Variants in NPSR1 observed in about 807,000 individuals in gnomAD.
The protein encoded by NPSR1 is neuropeptide S receptor 1.
In NPSR1, 48 loss-of-function variants were observed where a neutral mutation model predicts 46.9. The observed-to-expected ratio is 1.02, with a 90% CI of 0.81 to 1.30. The LOEUF (loss-of-function observed/expected upper bound fraction) is 1.30, where lower values mean the gene tolerates loss of function less well. NPSR1 is among the 50% of genes most tolerant of loss of function. The probability of loss-of-function intolerance (pLI) is 0.00; values close to 1 mark genes in which losing one functional copy is unlikely to be tolerated. For synonymous variants in NPSR1, 176 were observed against 168.1 expected (o/e 1.05, Z -0.36); for missense variants, 450 against 449.5 (o/e 1.00, Z -0.01).
At position 34,684,575 on chromosome 7, in the gene NPSR1, G is replaced by T; in HGVS notation, c.171G>T (p.Trp57Cys). Residue 57 changes from tryptophan (W) to cysteine (C), a missense_variant, in exon 2 of 9, where the codon TGG becomes TGT. Trp to Cys is a radical substitution (Grantham distance 215). Coordinates refer to ENST00000360581, the MANE Select transcript of NPSR1 (RefSeq NM_207172.2). ...AGACTGAGCAATTGATAACTCTGTGGGTCCTCTTTGTTTTTACCATTGTTG... is the reference window on the plus strand; with the variant it reads ...AGACTGAGCAATTGATAACTCTGTGTGTCCTCTTTGTTTTTACCATTGTTG... ...SFKTEQLITLWVLFVFTIVGN... is the reference protein window; with the variant it reads ...SFKTEQLITLCVLFVFTIVGN... 6.2e-7 allele frequency: 1 copy of T among 1,613,468 alleles called. No homozygotes were observed. Among genetic ancestry groups the T allele is most frequent in the Non-Finnish European group, 8.5e-7 (1 of 1,179,742 alleles).
At chr7:34,758,853 T>C (rs1193219887) in intron 2 of NPSR1, among the ~76,000 whole-genome samples, 1 of 152,220 alleles carries the variant, frequency 6.6e-6, no homozygotes, top group Non-Finnish European at 1.5e-5. Context: ...GAATCATGTA[T>C]TGTATTCAGT....
In NPSR1 at chr7:34,740,999, A is replaced by G. The variant is rs142619575; in HGVS notation, c.281-37463A>G. 3.9e-5 allele frequency among the ~76,000 whole-genome samples: 6 copies of G among 152,300 alleles called. No homozygotes were observed. The East Asian group carries it at 9.7e-4, about 25-fold the overall frequency. On this transcript the variant is annotated intron_variant, in intron 2 of 8. Coordinates refer to ENST00000360581, the MANE Select transcript of NPSR1 (RefSeq NM_207172.2). ...TTATTTTTCTTTCAGCACCTTAAAT[A>G]TGTTATCCCATTGCCTTATGGCCTC...
At chr7:34,790,832 T>TTATA (rs1787743541) in intron 3 of NPSR1, among the ~76,000 whole-genome samples, 1 of 136,486 alleles carries the variant, frequency 7.3e-6, no homozygotes, top group Non-Finnish European at 1.6e-5. Flanking sequence ...AGGTTATATG[T>TTATA]TATGTTATAT....
chr7:34,678,036 C>T (rs540956117), intron 1 of NPSR1, among the ~76,000 whole-genome samples: 2 of 152,208 alleles, frequency 1.3e-5, no homozygotes, highest in South Asian at 2.1e-4. Context: ...ACCATGGAGA[C>T]GTGGATTTCT....
chr7:34,673,191 C>T (rs2128675931), intron 1 of NPSR1, among the ~76,000 whole-genome samples: 1 of 152,308 alleles, frequency 6.6e-6, no homozygotes, highest in South Asian at 2.1e-4. Context: ...TCTACAACAT[C>T]TTTATCATAG....
chr7:34,773,325 A>G (rs1157461656), intron 2 of NPSR1, among the ~76,000 whole-genome samples: 1 of 152,162 alleles, frequency 6.6e-6, no homozygotes, highest in Non-Finnish European at 1.5e-5. Flanking sequence ...TGTCTGGTGA[A>G]GTATGTAATA....
intron 2 of NPSR1, among the ~76,000 whole-genome samples, chr7:34,735,554 A>G (rs1784630381): frequency 6.6e-6 from 1 of 152,246 alleles, no homozygotes; most frequent in Non-Finnish European, 1.5e-5. Flanking sequence ...AGTAGAATAT[A>G]AGAGCTGAAA....
intron 2 of NPSR1, among the ~76,000 whole-genome samples, chr7:34,692,529 A>T (rs1793316742): frequency 6.6e-6 from 1 of 152,136 alleles, no homozygotes; most frequent in Non-Finnish European, 1.5e-5. Context: ...ACATACCAAA[A>T]CCTCTGGGAT....
intron 3 of NPSR1, among the ~76,000 whole-genome samples, chr7:34,793,263 A>G (rs1459339589): frequency 2.0e-5 from 3 of 152,120 alleles, no homozygotes; most frequent in Non-Finnish European, 4.4e-5. Context: ...CAGAGTAAAG[A>G]TACAGTTTAC....
chr7:34,754,904 T>G (rs1412863936), intron 2 of NPSR1, among the ~76,000 whole-genome samples: 1 of 152,234 alleles, frequency 6.6e-6, no homozygotes, highest in Admixed American at 6.5e-5. Context: ...CTTTTGTGAC[T>G]GGTTTATTTC....
Position 34,874,494 on chromosome 7 carries a change from T to C in NPSR1, c.1026-3582T>C, listed in dbSNP as rs959669490. Among the ~76,000 whole-genome samples, 347 of 152,196 alleles carry C rather than the reference T, an allele frequency of 2.3e-3. 2 individuals are homozygous for C. The highest frequency in any genetic ancestry group is 7.8e-3 in the African/African-American group (323 of 41,522). On this transcript the variant is annotated intron_variant, in intron 8 of 8. Coordinates refer to the NPSR1 transcript ENST00000359791. ...ATTTGGGGGTGGGGGTGTCATTTAA[T>C]GTTGTCCCCAGGTCCTACCCCTGGA...
In NPSR1 at chr7:34,849,918, T is replaced by A. The variant is rs113824785; in HGVS notation, c.*263T>A. 16 of 1,232,152 alleles carry A rather than the reference T, an allele frequency of 1.3e-5. No homozygotes were observed. In the African/African-American group the frequency reaches 1.4e-4, roughly 11 times the overall value. 76.3% of individuals were successfully genotyped at this position (1,232,152 alleles called of 1,614,324 possible). ...GCCCTCCTTCCCACTGGCCAGCACC[T>A]GAACCCAGTGAACACAGGCATTAGT... On this transcript the variant is annotated 3_prime_UTR_variant, in exon 9 of 9. Coordinates refer to ENST00000360581, the MANE Select transcript of NPSR1 (RefSeq NM_207172.2).
intron 5 of NPSR1, among the ~76,000 whole-genome samples, chr7:34,832,904 G>A (rs1790184492): frequency 6.6e-6 from 1 of 152,074 alleles, no homozygotes; most frequent in Non-Finnish European, 1.5e-5. Context: ...GTCAACTTAG[G>A]GTTGAACTCA....
Position 34,658,401 on chromosome 7 carries a change from C to A in NPSR1, c.-12C>A. 1 of 1,613,200 alleles carries A rather than the reference C, an allele frequency of 6.2e-7. No homozygotes were observed. The highest frequency in any genetic ancestry group is 8.5e-7 in the Non-Finnish European group (1 of 1,179,860). On this transcript the variant is annotated 5_prime_UTR_variant, in exon 1 of 9. Transcript: ENST00000360581. ...AGGAGCAAGGACAGTGAGGCTCAACCCCGCCTGAGCCATGCCAGCCAACTT... is the reference window on the plus strand; with the variant it reads ...AGGAGCAAGGACAGTGAGGCTCAACACCGCCTGAGCCATGCCAGCCAACTT...
At chr7:34,670,165 T>TG (rs1791975582) in intron 1 of NPSR1, among the ~76,000 whole-genome samples, 1 of 152,182 alleles carries the variant, frequency 6.6e-6, no homozygotes, top group East Asian at 1.9e-4. Context: ...CTCAGAAATT[T>TG]GAACACAAAC....
At position 34,827,076 on chromosome 7, in the gene NPSR1, G is replaced by A. The variant is rs929050987; in HGVS notation, c.479-325G>A. On this transcript the variant is annotated intron_variant, in intron 4 of 8. Coordinates refer to ENST00000360581, the MANE Select transcript of NPSR1 (RefSeq NM_207172.2). ...GCATTTGCACCGCAACTTACCAAAT[G>A]TACATGGTACAAACTGAGCTCCCTA... is the stretch of plus-strand genomic sequence containing the variant. Among the ~76,000 whole-genome samples the A allele has an allele frequency of 4.6e-5, 7 of 152,280 alleles. 1 individual carries two copies. In the East Asian group the frequency reaches 7.7e-4, roughly 17 times the overall value.
chr7:34,844,894 A>G lies in NPSR1; in HGVS notation c.758-2A>G. On this transcript the variant is annotated splice_acceptor_variant, in intron 6 of 8. Coordinates refer to ENST00000360581, the MANE Select transcript of NPSR1 (RefSeq NM_207172.2). LOFTEE classifies it high-confidence loss of function. ...CTTACTATTCCCCTCTTGTATCTAC[A>G]GATGGGAAACTGTGCAGCAGCTATA... The G allele has an allele frequency of 3.1e-6, 5 of 1,593,956 alleles. No individual in the cohort carries two copies. Among genetic ancestry groups the G allele is most frequent in the Non-Finnish European group, 4.3e-6 (5 of 1,161,604 alleles).
At chr7:34,702,055 G>A (rs1350310179) in intron 2 of NPSR1, among the ~76,000 whole-genome samples, 1 of 152,174 alleles carries the variant, frequency 6.6e-6, no homozygotes, top group African/African-American at 2.4e-5. Context: ...GGCTCGTGCT[G>A]CATTTTCTTA....
chr7:34,784,760 G>A (rs1345818852), intron 3 of NPSR1, among the ~76,000 whole-genome samples: 1 of 152,124 alleles, frequency 6.6e-6, no homozygotes, highest in Non-Finnish European at 1.5e-5. Flanking sequence ...AGAAGGAATG[G>A]TACCAGTTCC....
Sources: gnomAD v4.1 joint callset for allele counts (sites outside exome capture counted in the v4.1 genomes callset) on GRCh38, gnomAD v4.1.1 for gene constraint, MANE v1.5 for transcripts, NCBI Gene and HGNC (gene_info 2026-07-23, HGNC 2026-07-21) for gene names.